ZNF518A: variants seen among roughly 807,000 people sequenced by gnomAD.
The protein encoded by ZNF518A is zinc finger protein 518.
In ZNF518A, 47 loss-of-function variants were observed where a neutral mutation model predicts 102.7. The ratio of observed to expected loss-of-function variants is 0.46; its 90% CI spans 0.36 to 0.58. The LOEUF is 0.58. Among genes scored for constraint, ZNF518A ranks in the 20% least tolerant of loss-of-function variants. The pLI is 0.00. For synonymous variants in ZNF518A, 652 were observed against 594.6 expected, an observed-to-expected ratio of 1.10 and a Z score of -1.40; for missense variants, 1,793 against 1,699.8, an observed-to-expected ratio of 1.05 and a Z score of -0.96.
At chr10:96,170,042 T>C (rs1554890733) in intron 1 of ZNF518A, among the ~76,000 whole-genome samples, 1 of 152,240 alleles carries the variant, frequency 6.6e-6, no homozygotes, top group Non-Finnish European at 1.5e-5. Context: ...GGCTTACAAC[T>C]CTGCCTTCAC....
In ZNF518A at chr10:96,160,282, A is replaced by C. The variant is rs148365152; in HGVS notation, c.3960A>C (p.Ser1320=). 6.2e-7 allele frequency: 1 copy of C among 1,613,646 alleles called. No homozygotes were observed. The highest frequency in any genetic ancestry group is 1.1e-5 in the South Asian group (1 of 91,064). The part of the protein sequence containing the change: ...ETFGFSRPRL[S]KDSIRTLRLF... ...TTGGATTTAGCAGACCTAGGCTTTC[A>C]AAAGATTCCATCAGAACTTTGCGGC... The change falls in exon 6 of 6, where the codon TCA becomes TCC. Residue 1320 remains serine, a synonymous_variant. Transcript: ENST00000316045.
rs1342377382 is a variant in ZNF518A at position 96,160,770 on chromosome 10, A to G, written c.4448A>G (p.Glu1483Gly). Residue 1483 changes from glutamate to glycine, a missense_variant, in exon 6 of 6, where the codon GAA (glutamate) becomes GGA (glycine). Around this residue, in one of 3 missense-constraint regions of ZNF518A, gnomAD observed 22 missense variants for 16.0 expected, o/e 1.37. Coordinates refer to ENST00000316045, the MANE Select transcript of ZNF518A (RefSeq NM_001330736.2). ...GCTACTCGGGATTGGAACATGTTAG[A>G]ATAGTTTACCATAATTACCAAGGAA... ...MEATRDWNML[E>G] 15 of 1,553,590 alleles carry G rather than the reference A, an allele frequency of 9.7e-6. No homozygotes were observed. Among genetic ancestry groups the G allele is most frequent in the Non-Finnish European group, 1.3e-5 (15 of 1,155,812 alleles).
At chr10:96,135,057 AAC>A (rs1425184861) in intron 3 of ZNF518A, 1 of 152,218 alleles carries the variant, frequency 6.6e-6, no homozygotes, top group Admixed American at 6.5e-5. Flanking sequence ...TCCCTATTGC[AAC>A]AGTGATTGCT....
chr10:96,175,789 T>A (rs1554891368), intron 1 of ZNF518A, among the ~76,000 whole-genome samples: 1 of 152,182 alleles, frequency 6.6e-6, no homozygotes, highest in East Asian at 1.9e-4. Flanking sequence ...CTGAGACAGA[T>A]GCTGAAAGCC....
At chr10:96,171,884 CAAAAA>C (rs371873012) in intron 1 of ZNF518A, among the ~76,000 whole-genome samples, 2 of 146,110 alleles carry the variant, frequency 1.4e-5, no homozygotes. Context: ...TGTTGAAAGA[CAAAAA>C]AAAAATCTTG....
intron 1 of ZNF518A, chr10:96,199,836 C>T (rs1314750516): frequency 4.0e-6 from 1 of 247,680 alleles, no homozygotes; most frequent in Non-Finnish European, 7.8e-6. Context: ...GCAGCCTGGC[C>T]AACATGGTAA....
At chr10:96,139,278 G>A (rs12573660) in intron 3 of ZNF518A, among the ~76,000 whole-genome samples, 1 of 152,026 alleles carries the variant, frequency 6.6e-6, no homozygotes, top group Non-Finnish European at 1.5e-5. Flanking sequence ...GTGCCTTGTT[G>A]CTATAGGCTG....
chr10:96,185,487 G>A (rs1463540428), intron 1 of ZNF518A, among the ~76,000 whole-genome samples: 1 of 152,188 alleles, frequency 6.6e-6, no homozygotes, highest in African/African-American at 2.4e-5. Flanking sequence ...TACAGATGGG[G>A]TTTTGGTGTG....
intron 1 of ZNF518A, among the ~76,000 whole-genome samples, chr10:96,190,396 C>G (rs1427932045): frequency 6.6e-6 from 1 of 152,154 alleles, no homozygotes; most frequent in Non-Finnish European, 1.5e-5. Flanking sequence ...GGACACCAGC[C>G]ATTGTATTAA....
chr10:96,132,751 T>A (rs1019587212), intron 2 of ZNF518A, 81 bp downstream of exon 2: 3 of 152,046 alleles, frequency 2.0e-5, no homozygotes, highest in Admixed American at 6.5e-5. Flanking sequence ...CTAAATAAAG[T>A]AAAATATAGG....
chr10:96,183,619 C>A lies in ZNF518A; in HGVS notation n.36-19955C>A, dbSNP rs186629211. 2.9e-3 allele frequency among the ~76,000 whole-genome samples: 434 copies of A among 152,200 alleles called. 2 individuals are homozygous for A. Among genetic ancestry groups the A allele is most frequent in the Non-Finnish European group, 4.4e-3 (302 of 68,004 alleles). ...GTTGTTCAGTTTCCATGTAGTTGAG[C>A]GGTTTTGAGTGAGTTTCTTAATCCT... On this transcript the variant is annotated intron_variant and non_coding_transcript_variant, in intron 1 of 2. Transcript: ENST00000442635.
chr10:96,136,992 A>T (rs1262387871), intron 3 of ZNF518A, among the ~76,000 whole-genome samples: 1 of 152,242 alleles, frequency 6.6e-6, no homozygotes, highest in Non-Finnish European at 1.5e-5. Context: ...GCAATATGTA[A>T]ATGAGTGAGT....
At position 96,160,406 on chromosome 10, in the gene ZNF518A, AGT is replaced by A; in HGVS notation, c.4087_4088del (p.Val1363AsnfsTer6). The A allele has an allele frequency of 6.2e-7, 1 of 1,613,146 alleles. No homozygotes were observed. The highest frequency in any genetic ancestry group is 8.5e-7 in the Non-Finnish European group (1 of 1,179,530). Reference sequence around the variant, plus strand: ...TGACGCAGATGCACCAGAAGTAGTAAGTGTAATGAAAACTATTGCTAAATTTA... The same window carrying A: ...TGACGCAGATGCACCAGAAGTAGTAAGTAATGAAAACTATTGCTAAATTTA... ...HPDADAPEVV[S>X]VMKTIAKFNG... On this transcript the variant is annotated frameshift_variant, in exon 6 of 6. Transcript: ENST00000316045. LOFTEE classifies it high-confidence loss of function.
downstream of ZNF518A, chr10:96,163,833 C>G (rs1263092158): frequency 1.2e-5 from 2 of 166,678 alleles, no homozygotes; most frequent in African/African-American, 4.8e-5. Context: ...AGTCTGCTTT[C>G]AGAATGGGAT....
In ZNF518A at chr10:96,174,911, G is replaced by A. The variant is rs138718395; in HGVS notation, n.35+18864G>A. Among the ~76,000 whole-genome samples the A allele has an allele frequency of 5.6e-3, 848 of 152,220 alleles. 6 individuals are homozygous for A. Among genetic ancestry groups the A allele is most frequent in the Middle Eastern group, 0.027 (8 of 294 alleles). On this transcript the variant is annotated intron_variant and non_coding_transcript_variant, in intron 1 of 2. Transcript: ENST00000442635. ...GAGATACTTAAGTTTAGATGAGGTCGTGAAGATAGAGCCCTCACAATGGAA... is the reference window on the plus strand; with the variant it reads ...GAGATACTTAAGTTTAGATGAGGTCATGAAGATAGAGCCCTCACAATGGAA...
chr10:96,176,230 T>C (rs1373195308), intron 1 of ZNF518A, among the ~76,000 whole-genome samples: 1 of 152,060 alleles, frequency 6.6e-6, no homozygotes, highest in Non-Finnish European at 1.5e-5. Context: ...ACTCAGCCTA[T>C]AAATTTTTTC....
chr10:96,199,714 G>A (rs868935880), intron 1 of ZNF518A, among the ~76,000 whole-genome samples: 3 of 152,292 alleles, frequency 2.0e-5, no homozygotes, highest in Middle Eastern at 6.8e-3. Flanking sequence ...GGCAAAACGT[G>A]TGATTTAAAA....
intron 1 of ZNF518A, chr10:96,191,724 T>C: frequency 2.8e-6 from 1 of 360,660 alleles, no homozygotes; most frequent in Non-Finnish European, 5.1e-6. Context: ...AAAATATTTA[T>C]TTGGAAAATA....
At chr10:96,189,029 A>G (rs2083290475) in intron 1 of ZNF518A, among the ~76,000 whole-genome samples, 1 of 152,152 alleles carries the variant, frequency 6.6e-6, no homozygotes, top group East Asian at 1.9e-4. Flanking sequence ...TTTTTTTTCA[A>G]TAGAAACCAT....
Sources: gnomAD v4.1 joint callset for allele counts (sites outside exome capture counted in the v4.1 genomes callset) on GRCh38, gnomAD v4.1.1 for gene constraint, gnomAD v4.1.1 regional missense constraint, MANE v1.5 for transcripts, NCBI Gene and HGNC (gene_info 2026-07-23, HGNC 2026-07-21) for gene names.